Variants in GRIN2B observed in about 807,000 individuals in gnomAD.
GRIN2B encodes glutamate receptor ionotropic, NMDA 2B.
In GRIN2B, 5 loss-of-function variants were observed where a neutral mutation model predicts 114.5. The ratio of observed to expected loss-of-function variants is 0.04; its 90% CI spans 0.02 to 0.09. The LOEUF is 0.09. Ranked by LOEUF, GRIN2B falls within the 10% of genes least tolerant of loss-of-function variation. GRIN2B has a pLI of 1.00. For missense variants in GRIN2B, 1,108 were observed against 1,943.5 expected, an observed-to-expected ratio of 0.57 and a Z score of 8.08; for synonymous variants, 787 against 745.1, an observed-to-expected ratio of 1.06 and a Z score of -0.92.
intron 5 of GRIN2B, among the ~76,000 whole-genome samples, chr12:13,620,941 TGAA>T (rs1212525897): frequency 1.1e-5 from 1 of 89,562 alleles, no homozygotes. Context: ...TACTGAAAGG[TGAA>T]ACTTTTTTGA....
chr12:13,903,958 T>C (rs960502115), intron 2 of GRIN2B, among the ~76,000 whole-genome samples: 5 of 152,070 alleles, frequency 3.3e-5, no homozygotes, highest in African/African-American at 9.6e-5. Context: ...GTCTGAAGTC[T>C]ATTTTATCTG....
chr12:13,613,464 T>C (rs76354004), intron 8 of GRIN2B, among the ~76,000 whole-genome samples: 11,144 of 152,258 alleles, frequency 0.073, 593 homozygotes, highest in South Asian at 0.14. Context: ...TTCCAATTCA[T>C]ACTCAGAAAG....
intron 3 of GRIN2B, among the ~76,000 whole-genome samples, chr12:13,857,924 T>C (rs1865691605): frequency 6.6e-6 from 1 of 152,164 alleles, no homozygotes; most frequent in Non-Finnish European, 1.5e-5. Context: ...AGCAGCCACC[T>C]TCCAACCATG....
chr12:13,970,044 G>C (rs569224241), intron 2 of GRIN2B, among the ~76,000 whole-genome samples: 1 of 152,232 alleles, frequency 6.6e-6, no homozygotes, highest in Non-Finnish European at 1.5e-5. Flanking sequence ...GTAGAGATGG[G>C]GTTTCACCAC....
intron 3 of GRIN2B, among the ~76,000 whole-genome samples, chr12:13,859,126 C>T (rs886071126): frequency 6.6e-6 from 1 of 152,174 alleles, no homozygotes; most frequent in Non-Finnish European, 1.5e-5. Flanking sequence ...TTTCACTTTA[C>T]AGAAGGAGAT....
At chr12:13,950,980 T>C (rs1411111579) in intron 2 of GRIN2B, among the ~76,000 whole-genome samples, 8 of 152,012 alleles carry the variant, frequency 5.3e-5, no homozygotes, top group Admixed American at 5.2e-4. Flanking sequence ...AATCCAGAAG[T>C]GGTGCTTCTA....
At chr12:13,714,781 T>C (rs1950441503) in intron 4 of GRIN2B, among the ~76,000 whole-genome samples, 1 of 151,940 alleles carries the variant, frequency 6.6e-6, no homozygotes, top group African/African-American at 2.4e-5. Flanking sequence ...ATATGCAGTT[T>C]TGATACATGC....
At chr12:13,796,732 G>C (rs1864424364) in intron 3 of GRIN2B, among the ~76,000 whole-genome samples, 1 of 152,112 alleles carries the variant, frequency 6.6e-6, no homozygotes, top group Non-Finnish European at 1.5e-5. Flanking sequence ...TCCCCTGCAG[G>C]CTTGGGAGCA....
chr12:13,921,308 G>A (rs1866818829), intron 2 of GRIN2B, among the ~76,000 whole-genome samples: 1 of 152,150 alleles, frequency 6.6e-6, no homozygotes, highest in Non-Finnish European at 1.5e-5. Flanking sequence ...TGAGGCATGA[G>A]AATCGCTTGA....
chr12:13,568,220 T>G (rs1948665981), intron 12 of GRIN2B, among the ~76,000 whole-genome samples: 1 of 152,120 alleles, frequency 6.6e-6, no homozygotes, highest in African/African-American at 2.4e-5. Flanking sequence ...TAGGAGGAAG[T>G]AGGAAGAGGT....
chr12:13,805,886 A>G (rs1273286449), intron 3 of GRIN2B, among the ~76,000 whole-genome samples: 4 of 152,080 alleles, frequency 2.6e-5, no homozygotes, highest in Admixed American at 6.6e-5. Flanking sequence ...ACATACCCCA[A>G]TTCCTTCAAC....
At chr12:13,697,175 G>A (rs2136564483) in intron 4 of GRIN2B, among the ~76,000 whole-genome samples, 1 of 152,220 alleles carries the variant, frequency 6.6e-6, no homozygotes, top group South Asian at 2.1e-4. Context: ...TAAATTCTGA[G>A]TTGCCATGAA....
In GRIN2B at chr12:13,564,657, G is replaced by A; in HGVS notation, c.2599-18C>T. The A allele has an allele frequency of 1.9e-6, 3 of 1,610,540 alleles. No homozygotes were observed. The highest frequency in any genetic ancestry group is 2.7e-5 in the African/African-American group (2 of 74,974). On this transcript the variant is annotated intron_variant, in intron 13 of 13. Coordinates refer to ENST00000609686, the MANE Select transcript of GRIN2B (RefSeq NM_000834.5). The surrounding 1 kb of genome is among the most constrained non-coding windows in gnomAD (Gnocchi z 4.8). ...TAGATACCCTGAAGCAAGAATGGAG[G>A]GACAGGTTAGATCTCCAGAGAGGCT...
Position 13,541,619 on chromosome 12 carries a change from G to T in GRIN2B, c.*21164C>A, listed in dbSNP as rs992314846. 6.6e-6 allele frequency: 1 copy of T among 152,216 alleles called. No homozygotes were observed. The highest frequency in any genetic ancestry group is 2.4e-5 in the African/African-American group (1 of 41,436). The allele number at this position is 152,216 out of a possible 1,614,324, so 9.4% of individuals were successfully genotyped here. On this transcript the variant is annotated 3_prime_UTR_variant, in exon 14 of 14. Coordinates refer to ENST00000609686, the MANE Select transcript of GRIN2B (RefSeq NM_000834.5). Reference sequence around the variant, plus strand: ...CTTAAGAACTCAAGATGTGGCGTTAGATGAGCCAAGATGAACATAATTTAA... The same window carrying T: ...CTTAAGAACTCAAGATGTGGCGTTATATGAGCCAAGATGAACATAATTTAA...
intron 12 of GRIN2B, 99 bp downstream of exon 12, chr12:13,569,731 A>G: frequency 1.3e-6 from 1 of 798,972 alleles, no homozygotes; most frequent in Non-Finnish European, 2.0e-6. Flanking sequence ...GCTTTTCCGG[A>G]AATGCACAGG....
intron 5 of GRIN2B, among the ~76,000 whole-genome samples, chr12:13,664,933 G>C (rs748349979): frequency 1.4e-4 from 21 of 152,144 alleles, no homozygotes; most frequent in Non-Finnish European, 2.4e-4. Flanking sequence ...GGGCTGCAGG[G>C]ATACGGTGCC....
intron 3 of GRIN2B, among the ~76,000 whole-genome samples, chr12:13,804,110 T>C (rs142307509): frequency 1.5e-4 from 23 of 152,168 alleles, no homozygotes; most frequent in African/African-American, 2.2e-4. Context: ...TGCCAACTTT[T>C]GCCTCTCCTT....
At chr12:13,771,261 C>T (rs2136645826) in intron 3 of GRIN2B, among the ~76,000 whole-genome samples, 1 of 152,240 alleles carries the variant, frequency 6.6e-6, no homozygotes, top group East Asian at 1.9e-4. Flanking sequence ...TGAGGCCTCC[C>T]CAGCCATGTG....
At chr12:13,887,096 T>C (rs570424486) in intron 2 of GRIN2B, among the ~76,000 whole-genome samples, 1 of 152,280 alleles carries the variant, frequency 6.6e-6, no homozygotes, top group South Asian at 2.1e-4. Context: ...CTACCCTATA[T>C]ATCCTCTCAG....
Sources: allele counts gnomAD v4.1 joint callset (sites outside exome capture counted in the v4.1 genomes callset), GRCh38; gene constraint gnomAD v4.1.1; non-coding constraint Gnocchi (gnomAD v3.1); transcripts MANE v1.5; gene names NCBI Gene and HGNC (gene_info 2026-07-23, HGNC 2026-07-21).